The following GPT variants were observed in gnomAD, a reference collection of about 807,000 sequenced individuals.
GPT encodes the protein glutamic--pyruvic transaminase, also known as alanine aminotransferase 1.
A neutral mutation model predicts 51.4 loss-of-function variants in GPT; 60 were observed. The ratio of observed to expected loss-of-function variants is 1.17; its 90% CI spans 0.95 to 1.45. GPT has a LOEUF of 1.45. Ranked by LOEUF, GPT falls within the 40% of genes most tolerant of loss-of-function variation. GPT has a pLI of 0.00. For missense variants in GPT, 853 were observed against 704.0 expected, an observed-to-expected ratio of 1.21 and a Z score of -2.40; for synonymous variants, 397 against 303.1, an observed-to-expected ratio of 1.31 and a Z score of -3.22.
Position 144,506,467 on chromosome 8 carries a change from C to A in GPT, c.1132-34C>A. 1.3e-6 allele frequency: 2 copies of A among 1,581,242 alleles called. No individual in the cohort carries two copies. Among genetic ancestry groups the A allele is most frequent in the East Asian group, 2.3e-5 (1 of 43,488 alleles). On this transcript the variant is annotated intron_variant, in intron 8 of 10. Coordinates refer to ENST00000394955, the MANE Select transcript of GPT (RefSeq NM_005309.3). This position sits in a 1 kb window ranked among gnomAD's most constrained non-coding sequence, Gnocchi z 7.0. Reference sequence around the variant, plus strand: ...ATCAGGGGTGGGGGATGCCGAGTGCCGTGCCCTGATGGGCCCTCCCTCCGC... The same window carrying A: ...ATCAGGGGTGGGGGATGCCGAGTGCAGTGCCCTGATGGGCCCTCCCTCCGC...
In GPT at chr8:144,506,981, T is replaced by A. The variant is rs1284705154; in HGVS notation, c.1472T>A (p.Phe491Tyr). The A allele has an allele frequency of 6.2e-7, 1 of 1,612,006 alleles. No homozygotes were observed. Among genetic ancestry groups the A allele is most frequent in the Admixed American group, 1.7e-5 (1 of 59,924 alleles). ...AAGCTGAGCAGGTTCCATGCCAAGT[T>A]CACCCTCGAGTACTCCTGAGCACCC... ...LEKLSRFHAK[F>Y]TLEYS is the part of the protein sequence containing the mutation. The change falls in exon 11 of 11, where the codon TTC becomes TAC. Residue 491 changes from phenylalanine to tyrosine, a missense_variant. By Grantham distance (22) the Phe-to-Tyr change is conservative (BLOSUM62 3). Coordinates refer to ENST00000394955, the MANE Select transcript of GPT (RefSeq NM_005309.3). This position sits in a 1 kb window ranked among gnomAD's most constrained non-coding sequence, Gnocchi z 7.0.
rs1359427834 is a variant in GPT at position 144,505,301 on chromosome 8, T to A, written c.551T>A (p.Ile184Asn). The part of the protein sequence containing the change: ...GEGHTRTGVL[I>N]PIPQYPLYSA... Reference sequence around the variant, plus strand: ...GGCCACACACGCACGGGTGTGCTCATCCCCATCCCCCAGTACCCACTCTAC... The same window carrying A: ...GGCCACACACGCACGGGTGTGCTCAACCCCATCCCCCAGTACCCACTCTAC... Residue 184 changes from isoleucine to asparagine, a missense_variant, in exon 5 of 11, where the codon ATC becomes AAC. Physicochemically the swap from Ile to Asn is moderately radical, Grantham distance 149. Coordinates refer to ENST00000394955, the MANE Select transcript of GPT (RefSeq NM_005309.3). 1.3e-6 allele frequency: 2 copies of A among 1,572,978 alleles called. No individual in the cohort carries two copies. The highest frequency in any genetic ancestry group is 2.3e-5 in the South Asian group (2 of 86,656).
chr8:144,504,032 G>A (rs958428730), upstream of GPT: 92 of 539,128 alleles, frequency 1.7e-4, 1 homozygote, highest in Admixed American at 2.8e-4. Flanking sequence ...CCCAAGCCCC[G>A]CCTGCCACCT....
chr8:144,506,125 TG>T lies in GPT; in HGVS notation c.953del (p.Gly318AlafsTer13). The T allele has an allele frequency of 6.2e-7, 1 of 1,611,988 alleles. No individual in the cohort carries two copies. Among genetic ancestry groups the T allele is most frequent in the Non-Finnish European group, 8.5e-7 (1 of 1,179,444 alleles). ...TTCCACTCCACCTCCAAGGGCTACA[TG>T]GGCGAGTGCGTGCGTACGAGGCGGG... Reference protein sequence around the residue: ...ASFHSTSKGYMGECGFRGGYV... With the variant: ...ASFHSTSKGYXGECGFRGGYV... On this transcript the variant is annotated frameshift_variant, in exon 7 of 11. Transcript: ENST00000394955. LOFTEE classifies it high-confidence loss of function. The surrounding 1 kb of genome is among the most constrained non-coding windows in gnomAD (Gnocchi z 7.0).
intron 1 of GPT, 24 bp from the exon 2 acceptor site, chr8:144,504,580 C>A: frequency 6.2e-7 from 1 of 1,611,426 alleles, no homozygotes; most frequent in Non-Finnish European, 8.5e-7. Context: ...CACAGTCTCC[C>A]TGCCTGCTCC....
chr8:144,507,077 A>G lies in GPT; in HGVS notation c.*77A>G. On this transcript the variant is annotated 3_prime_UTR_variant, in exon 11 of 11. Coordinates refer to ENST00000394955, the MANE Select transcript of GPT (RefSeq NM_005309.3). ...CCTGGGAGGCTCTGGAGCCCACTGT[A>G]CTTGCTCTTGATGCCTGGCGGGGTG... The G allele has an allele frequency of 4.2e-6, 2 of 474,612 alleles. No individual in the cohort carries two copies. Among genetic ancestry groups the G allele is most frequent in the Non-Finnish European group, 8.0e-6 (2 of 250,782 alleles). The allele number at this position is 474,612 out of a possible 1,614,324, so 29.4% of individuals were successfully genotyped here. A position where few individuals can be genotyped will look rare whatever the true frequency, so the allele number is the denominator to read the frequency against.
intron 5 of GPT, among the ~76,000 whole-genome samples, 168 bp downstream of exon 5, chr8:144,505,657 G>C (rs1180272060): frequency 5.0e-5 from 4 of 79,620 alleles, no homozygotes; most frequent in Non-Finnish European, 1.0e-4. Context: ...CCGCGCCCAC[G>C]GTGCGTTCCC....
chr8:144,505,801 T>A (rs760134834), intron 5 of GPT, 47 bp from the exon 6 acceptor site: 2 of 1,514,510 alleles, frequency 1.3e-6, no homozygotes, highest in South Asian at 2.4e-5. Context: ...CGGAGGGCAG[T>A]GCGCCCCCTT....
Position 144,506,009 on chromosome 8 carries a change from C to T in GPT, c.834C>T (p.Asn278=). The change falls in exon 7 of 11, where the codon AAC becomes AAT. Residue 278 remains asparagine, a synonymous_variant. Transcript: ENST00000394955. This position sits in a 1 kb window ranked among gnomAD's most constrained non-coding sequence, Gnocchi z 7.0. ...CGCCCTTCCAGGTGTACCAGGACAA[C>T]GTGTACGCCGCGGGTTCGCAGTTCC... is the stretch of plus-strand genomic sequence containing the variant. ...FLLADEVYQD[N]VYAAGSQFHS... 2 of 1,612,404 alleles carry T rather than the reference C, an allele frequency of 1.2e-6. No individual in the cohort carries two copies. The highest frequency in any genetic ancestry group is 1.1e-5 in the South Asian group (1 of 91,078).
In GPT at chr8:144,506,493, G is replaced by A. The variant is rs753857754; in HGVS notation, c.1132-8G>A. Reference sequence around the variant, plus strand: ...GTGCCCTGATGGGCCCTCCCTCCGCGGCCACAGGAGAAGCAGGCAGTGCTG... The same window carrying A: ...GTGCCCTGATGGGCCCTCCCTCCGCAGCCACAGGAGAAGCAGGCAGTGCTG... On this transcript the variant is annotated splice_region_variant and splice_polypyrimidine_tract_variant and intron_variant, in intron 8 of 10. Coordinates refer to ENST00000394955, the MANE Select transcript of GPT (RefSeq NM_005309.3). The surrounding 1 kb of genome is among the most constrained non-coding windows in gnomAD (Gnocchi z 7.0). 4 of 1,594,562 alleles carry A rather than the reference G, an allele frequency of 2.5e-6. No homozygotes were observed. The highest frequency in any genetic ancestry group is 1.8e-5 in the Admixed American group (1 of 57,056).
Position 144,506,212 on chromosome 8 carries a change from C to T in GPT, c.957-20C>T. 1 of 1,604,680 alleles carries T rather than the reference C, an allele frequency of 6.2e-7. No individual in the cohort carries two copies. The highest frequency in any genetic ancestry group is 8.5e-7 in the Non-Finnish European group (1 of 1,177,418). Reference sequence around the variant, plus strand: ...CCGATGGGCCACCCCCTCCTCCGCACCTGACCTGGCCGTGCGCAGGTGCGG... The same window carrying T: ...CCGATGGGCCACCCCCTCCTCCGCATCTGACCTGGCCGTGCGCAGGTGCGG... On this transcript the variant is annotated intron_variant, in intron 7 of 10. Coordinates refer to ENST00000394955, the MANE Select transcript of GPT (RefSeq NM_005309.3). The surrounding 1 kb of genome is among the most constrained non-coding windows in gnomAD (Gnocchi z 7.0).
Position 144,505,094 on chromosome 8 carries a change from A to G in GPT, c.458A>G (p.Asn153Ser). 6.2e-7 allele frequency: 1 copy of G among 1,613,038 alleles called. No individual in the cohort carries two copies. Among genetic ancestry groups the G allele is most frequent in the Non-Finnish European group, 8.5e-7 (1 of 1,179,972 alleles). ...GGAGGCATCCCTGCGGACCCCAACA[A>G]CGTCTTCCTGTCCACAGGGGCCAGC... is the stretch of plus-strand genomic sequence containing the variant. ...RDGGIPADPN[N>S]VFLSTGASDA... The change falls in exon 4 of 11, where the codon AAC becomes AGC. Residue 153 changes from asparagine (N) to serine (S), a missense_variant. Asn to Ser is a conservative substitution (Grantham distance 46, BLOSUM62 1). Transcript: ENST00000394955.
In GPT at chr8:144,505,868, T is replaced by C; in HGVS notation, c.760T>C (p.Cys254Arg). Reference sequence around the variant, plus strand: ...CCCAGGGCAGGTGCAGACCCGCGAGTGCATCGAGGCCGTGATCCGCTTCGC... The same window carrying C: ...CCCAGGGCAGGTGCAGACCCGCGAGCGCATCGAGGCCGTGATCCGCTTCGC... ...NPTGQVQTRE[C>R]IEAVIRFAFE... is the part of the protein sequence containing the mutation. Residue 254 changes from cysteine (C) to arginine (R), a missense_variant, in exon 6 of 11, where the codon TGC becomes CGC. Transcript: ENST00000394955. 3 of 1,558,858 alleles carry C rather than the reference T, an allele frequency of 1.9e-6. No homozygotes were observed. The highest frequency in any genetic ancestry group is 1.2e-5 in the South Asian group (1 of 86,014).
chr8:144,505,145 G>A lies in GPT; in HGVS notation c.495+14G>A, dbSNP rs1826726772. On this transcript the variant is annotated intron_variant, in intron 4 of 10. Coordinates refer to ENST00000394955, the MANE Select transcript of GPT (RefSeq NM_005309.3). Reference sequence around the variant, plus strand: ...GATGCCATCGTGGTAGGCTGGGCATGGGCACCAAGACATTCCTGACACTGC... The same window carrying A: ...GATGCCATCGTGGTAGGCTGGGCATAGGCACCAAGACATTCCTGACACTGC... 3.1e-6 allele frequency: 5 copies of A among 1,612,926 alleles called. 1 individual carries two copies. In the South Asian group the frequency reaches 5.5e-5, roughly 18 times the overall value.
chr8:144,505,872 TCGAGG>T lies in GPT; in HGVS notation c.766_770del (p.Glu256ArgfsTer121), dbSNP rs756777368. The stretch of plus-strand genomic sequence containing the variant: ...GGGCAGGTGCAGACCCGCGAGTGCA[TCGAGG>T]CCGTGATCCGCTTCGCCTTCGAAGA... On this transcript the variant is annotated frameshift_variant, in exon 6 of 11. Transcript: ENST00000394955. LOFTEE classifies it high-confidence loss of function. 1.9e-6 allele frequency: 3 copies of T among 1,562,388 alleles called. No individual in the cohort carries two copies. In the South Asian group the frequency reaches 3.5e-5, roughly 18 times the overall value.
intron 1 of GPT, 39 bp downstream of exon 1, chr8:144,504,505 TGG>T: frequency 6.2e-7 from 1 of 1,608,432 alleles, no homozygotes; most frequent in Non-Finnish European, 8.5e-7. Flanking sequence ...CAGGTCACAA[TGG>T]GGTGGCCGAG....
In GPT at chr8:144,505,113, G is replaced by A; in HGVS notation, c.477G>A (p.Gly159=). The stretch of plus-strand genomic sequence containing the variant: ...CCAACAACGTCTTCCTGTCCACAGG[G>A]GCCAGCGATGCCATCGTGGTAGGCT... ...ADPNNVFLST[G]ASDAIVTVLK... is the part of the protein sequence containing the mutation. The change falls in exon 4 of 11, where the codon GGG becomes GGA. Residue 159 remains glycine, a synonymous_variant. Coordinates refer to ENST00000394955, the MANE Select transcript of GPT (RefSeq NM_005309.3). The A allele has an allele frequency of 1.2e-6, 2 of 1,613,090 alleles. No individual in the cohort carries two copies. The highest frequency in any genetic ancestry group is 1.7e-5 in the Admixed American group (1 of 60,026).
At chr8:144,505,748 C>T in intron 5 of GPT, 100 bp from the exon 6 acceptor site, 1 of 1,187,244 alleles carries the variant, frequency 8.4e-7, no homozygotes. Flanking sequence ...CACGTGCGCC[C>T]TGGCCCAGGC....
Position 144,506,436 on chromosome 8 carries a change from G to A in GPT, c.1131+30G>A. On this transcript the variant is annotated intron_variant, in intron 8 of 10. Transcript: ENST00000394955. This position sits in a 1 kb window ranked among gnomAD's most constrained non-coding sequence, Gnocchi z 7.0. ...GTTGGGGGCAGGAGGGGGTCCAGGT[G>A]ACCTAATCAGGGGTGGGGGATGCCG... 6.4e-7 allele frequency: 1 copy of A among 1,565,402 alleles called. No individual in the cohort carries two copies. The highest frequency in any genetic ancestry group is 8.6e-7 in the Non-Finnish European group (1 of 1,156,668).
Sources: allele counts gnomAD v4.1 joint callset (sites outside exome capture counted in the v4.1 genomes callset), GRCh38; gene constraint gnomAD v4.1.1; non-coding constraint Gnocchi (gnomAD v3.1); transcripts MANE v1.5; gene names NCBI Gene and HGNC (gene_info 2026-07-23, HGNC 2026-07-21).